Variants in SGIP1 observed in about 807,000 individuals in gnomAD.
SGIP1 encodes SH3-containing GRB2-like protein 3-interacting protein 1.
A neutral mutation model predicts 107.5 loss-of-function variants in SGIP1; 38 were observed. The observed-to-expected ratio is 0.35, with a 90% CI of 0.27 to 0.46. The LOEUF (loss-of-function observed/expected upper bound fraction) is 0.46. Among genes scored for constraint, SGIP1 ranks in the 20% least tolerant of loss-of-function variants. The pLI, the probability that SGIP1 is intolerant of heterozygous loss-of-function variation, is 1.00. For missense variants in SGIP1, 929 were observed against 1,019.5 expected, an observed-to-expected ratio of 0.91 and a Z score of 1.21; for synonymous variants, 365 against 366.1, an observed-to-expected ratio of 1.00 and a Z score of 0.03.
At chr1:66,681,828 A>G (rs773722228) in intron 14 of SGIP1, 41 bp from the exon 15 acceptor site, 13 of 1,565,134 alleles carry the variant, frequency 8.3e-6, no homozygotes, top group South Asian at 4.9e-5. Context: ...CACACAAATA[A>G]TAAGTCAATT....
At chr1:66,672,816 G>A (rs749944085) in intron 11 of SGIP1, among the ~76,000 whole-genome samples, 1 of 151,960 alleles carries the variant, frequency 6.6e-6, no homozygotes, top group Admixed American at 6.6e-5. Flanking sequence ...AAACTTCTCG[G>A]TGGCTTTTTA....
chr1:66,690,040 T>G (rs976052560), intron 16 of SGIP1, 150 bp from the exon 17 acceptor site: 1 of 895,024 alleles, frequency 1.1e-6, no homozygotes, highest in Non-Finnish European at 1.7e-6. Flanking sequence ...AACTCTCATA[T>G]AGATAGAATT....
At position 66,695,446 on chromosome 1, in the gene SGIP1, C is replaced by T. The variant is rs201149984; in HGVS notation, c.1583C>T (p.Pro528Leu). 15 of 1,614,032 alleles carry T rather than the reference C, an allele frequency of 9.3e-6. No homozygotes were observed. Among genetic ancestry groups the T allele is most frequent in the African/African-American group, 1.3e-5 (1 of 74,996 alleles). ...ATTPTVENEQ[P>L]SLVWFDRGKF... is the part of the protein sequence containing the mutation. ...CCTGGCCATACAGAGAATGAACAGCCTTCCCTCGTTTGGTTTGACAGAGGA... is the reference window on the plus strand; with the variant it reads ...CCTGGCCATACAGAGAATGAACAGCTTTCCCTCGTTTGGTTTGACAGAGGA... The change falls in exon 18 of 25, where the codon CCT becomes CTT. Residue 528 changes from proline (P) to leucine (L), a missense_variant. Around this residue, in one of 2 missense-constraint regions of SGIP1, gnomAD observed 341 missense variants for 430.9 expected, o/e 0.79. Coordinates refer to ENST00000371037, the MANE Select transcript of SGIP1 (RefSeq NM_032291.4).
chr1:66,723,561 C>T (rs192279997), intron 19 of SGIP1, among the ~76,000 whole-genome samples: 155 of 152,190 alleles, frequency 1.0e-3, no homozygotes, highest in African/African-American at 3.2e-3. Context: ...TTAGGTTACT[C>T]GGCTCTCTCT....
intron 1 of SGIP1, among the ~76,000 whole-genome samples, chr1:66,547,163 C>T (rs1412010581): frequency 6.6e-6 from 1 of 152,048 alleles, no homozygotes; most frequent in Non-Finnish European, 1.5e-5. Flanking sequence ...ATGATGAATC[C>T]CTGCTACAGG....
chr1:66,558,005 C>CT (rs1302692406), intron 1 of SGIP1, among the ~76,000 whole-genome samples: 2 of 152,070 alleles, frequency 1.3e-5, no homozygotes, highest in Admixed American at 1.3e-4. Context: ...ATGGGAAACA[C>CT]TTTTTTAAAA....
intron 17 of SGIP1, chr1:66,695,139 C>A: frequency 2.1e-6 from 1 of 484,262 alleles, no homozygotes; most frequent in Non-Finnish European, 3.5e-6. Context: ...GACGCCCCTG[C>A]ATGGCCAGGA....
intron 1 of SGIP1, among the ~76,000 whole-genome samples, chr1:66,601,554 AAGAAT>A (rs1278951419): frequency 2.6e-5 from 4 of 151,952 alleles, no homozygotes; most frequent in Non-Finnish European, 5.9e-5. Flanking sequence ...AGAGAGAGAA[AAGAAT>A]AGAATAGAAT....
intron 18 of SGIP1, among the ~76,000 whole-genome samples, chr1:66,701,946 T>C (rs2091961337): frequency 1.3e-5 from 2 of 152,222 alleles, no homozygotes; most frequent in Admixed American, 1.3e-4. Flanking sequence ...TGTTACCTTC[T>C]ATTCCAAGCA....
chr1:66,581,353 A>G (rs1312386855), intron 1 of SGIP1, among the ~76,000 whole-genome samples: 2 of 152,042 alleles, frequency 1.3e-5, no homozygotes, highest in Admixed American at 1.3e-4. Flanking sequence ...AGGGGTAATA[A>G]TATCCCTAGC....
intron 1 of SGIP1, among the ~76,000 whole-genome samples, chr1:66,582,528 A>ATT (rs34654467): frequency 1.4e-5 from 2 of 146,164 alleles, no homozygotes; most frequent in Non-Finnish European, 1.5e-5. Flanking sequence ...GCTGAAGATG[A>ATT]TTTTTTTTTT....
Position 66,534,225 on chromosome 1 carries a change from T to TA in SGIP1, c.-133dup, listed in dbSNP as rs1449995020. The TA allele has an allele frequency of 9.9e-6, 9 of 906,614 alleles. No individual in the cohort carries two copies. The highest frequency in any genetic ancestry group is 3.7e-5 in the Admixed American group (2 of 53,986). The allele number at this position is 906,614 out of a possible 1,614,324, so 56.2% of individuals were successfully genotyped here. A position where few individuals can be genotyped will look rare whatever the true frequency, so the allele number is the denominator to read the frequency against. The stretch of plus-strand genomic sequence containing the variant: ...ATGGCCTGTCTTTTGGCTTAACACT[T>TA]ATCTCCTTTGGCTTTGACAGCGGAC... On this transcript the variant is annotated 5_prime_UTR_variant, in exon 1 of 25. Coordinates refer to ENST00000371037, the MANE Select transcript of SGIP1 (RefSeq NM_032291.4).
chr1:66,544,716 C>G (rs1375123250), intron 1 of SGIP1, among the ~76,000 whole-genome samples: 1 of 152,044 alleles, frequency 6.6e-6, no homozygotes, highest in African/African-American at 2.4e-5. Flanking sequence ...TAAAAAACCA[C>G]TAGAATATAG....
In SGIP1 at chr1:66,745,923, A is replaced by G. The variant is rs967822026; in HGVS notation, c.*2828A>G. 6.6e-6 allele frequency: 1 copy of G among 152,116 alleles called. No individual in the cohort carries two copies. The highest frequency in any genetic ancestry group is 1.5e-5 in the Non-Finnish European group (1 of 67,966). 9.4% of individuals were successfully genotyped at this position (152,116 alleles called of 1,614,324 possible). A position where few individuals can be genotyped will look rare whatever the true frequency, so the allele number is the denominator to read the frequency against. On this transcript the variant is annotated 3_prime_UTR_variant, in exon 25 of 25. Transcript: ENST00000371037. ...ATTACTAAGAATTAAATTTTTAATCATTTTTAAAGCTGTGTTCTTCTCTAC... is the reference window on the plus strand; with the variant it reads ...ATTACTAAGAATTAAATTTTTAATCGTTTTTAAAGCTGTGTTCTTCTCTAC...
chr1:66,698,539 C>T (rs373653223), intron 18 of SGIP1, among the ~76,000 whole-genome samples: 3 of 151,992 alleles, frequency 2.0e-5, no homozygotes, highest in East Asian at 1.9e-4. Context: ...CCACCACGCC[C>T]GGCTAATTTT....
At position 66,723,406 on chromosome 1, in the gene SGIP1, AC is replaced by A. The variant is rs2093627723; in HGVS notation, c.1742+4002del. ...CATAACAGGTATTCTGACATGTAAG[AC>A]TTTCTCAGTAGCTCACAGGCAGCAA... On this transcript the variant is annotated intron_variant, in intron 19 of 24. Coordinates refer to ENST00000371037, the MANE Select transcript of SGIP1 (RefSeq NM_032291.4). Among the ~76,000 whole-genome samples the A allele has an allele frequency of 2.6e-5, 4 of 152,164 alleles. No individual in the cohort carries two copies. The South Asian group carries it at 8.3e-4, about 32-fold the overall frequency.
intron 1 of SGIP1, among the ~76,000 whole-genome samples, chr1:66,589,039 G>C (rs1209304222): frequency 6.6e-6 from 1 of 150,416 alleles, no homozygotes; most frequent in Non-Finnish European, 1.5e-5. Context: ...AGTAAAACAT[G>C]GGCCTGTTTT....
chr1:66,546,899 T>C (rs79239150), intron 1 of SGIP1, among the ~76,000 whole-genome samples: 9,028 of 152,290 alleles, frequency 0.059, 342 homozygotes, highest in Non-Finnish European at 0.087. Flanking sequence ...CCCGACTGTG[T>C]CTGTTCGGTG....
In SGIP1 at chr1:66,571,496, A is replaced by G. The variant is rs144861263; in HGVS notation, c.10+37128A>G. Among the ~76,000 whole-genome samples, 1,218 of 152,182 alleles carry G rather than the reference A, an allele frequency of 8.0e-3. 9 individuals are homozygous for G. Among genetic ancestry groups the G allele is most frequent in the Non-Finnish European group, 0.013 (883 of 67,960 alleles). On this transcript the variant is annotated intron_variant, in intron 1 of 24. Transcript: ENST00000371037. ...TGGATAAGAACAAATTCAGATGCAC[A>G]TATCTAGAAATGACGTGAGGTGAGA...
Sources: allele counts gnomAD v4.1 joint callset (sites outside exome capture counted in the v4.1 genomes callset), GRCh38; gene constraint gnomAD v4.1.1; regional missense constraint gnomAD v4.1.1; transcripts MANE v1.5; gene names NCBI Gene and HGNC (gene_info 2026-07-23, HGNC 2026-07-21).